Variants in RPS14 observed in about 807,000 individuals in gnomAD.
The protein encoded by RPS14 is small ribosomal subunit protein uS11.
A neutral mutation model predicts 15.4 loss-of-function variants in RPS14; 1 was observed. The ratio of observed to expected loss-of-function variants is 0.07; its 90% CI spans 0.02 to 0.31. RPS14 has a LOEUF of 0.31. RPS14 is among the 10% of genes least tolerant of loss of function. The pLI, the probability that RPS14 is intolerant of heterozygous loss-of-function variation, is 1.00. For synonymous variants in RPS14, 68 were observed against 74.4 expected (o/e 0.91, Z 0.44); for missense variants, 69 against 205.5 (o/e 0.34, Z 4.06).
rs1171508471 is a variant in RPS14 at position 150,446,641 on chromosome 5, G to A, written c.311+161C>T. On this transcript the variant is annotated intron_variant, in intron 3 of 4. Transcript: ENST00000407193. The surrounding 1 kb of genome is among the most constrained non-coding windows in gnomAD (Gnocchi z 4.2). Reference sequence around the variant, plus strand: ...GTATACAGTGGGTGCTCAACACTGAGCTGCTGGGGGGTGTACACAGGAGCC... The same window carrying A: ...GTATACAGTGGGTGCTCAACACTGAACTGCTGGGGGGTGTACACAGGAGCC... Among the ~76,000 whole-genome samples, 1 of 152,194 alleles carries A rather than the reference G, an allele frequency of 6.6e-6. No individual in the cohort carries two copies. Among genetic ancestry groups the A allele is most frequent in the Non-Finnish European group, 1.5e-5 (1 of 68,028 alleles).
Position 150,446,997 on chromosome 5 carries a change from G to T in RPS14, c.150-34C>A, listed in dbSNP as rs746409157. The T allele has an allele frequency of 6.2e-7, 1 of 1,610,772 alleles. No homozygotes were observed. Among genetic ancestry groups the T allele is most frequent in the Non-Finnish European group, 8.5e-7 (1 of 1,178,208 alleles). On this transcript the variant is annotated intron_variant, in intron 2 of 4. Transcript: ENST00000407193. The surrounding 1 kb of genome is among the most constrained non-coding windows in gnomAD (Gnocchi z 4.2). Reference sequence around the variant, plus strand: ...AAAAGCACAGGGTCATTTCTTCCTCGTCCAACAAGGAGTGCTTACGATATC... The same window carrying T: ...AAAAGCACAGGGTCATTTCTTCCTCTTCCAACAAGGAGTGCTTACGATATC...
intron 2 of RPS14, 68 bp downstream of exon 2, chr5:150,447,517 T>C (rs1277310908): frequency 1.3e-6 from 2 of 1,500,564 alleles, no homozygotes; most frequent in Admixed American, 3.4e-5. Context: ...CCTGAACTGC[T>C]AGCCCGTCCC....
chr5:150,445,470 C>A, intron 4 of RPS14, 139 bp downstream of exon 4: 1 of 767,338 alleles, frequency 1.3e-6, no homozygotes, highest in Non-Finnish European at 2.3e-6. Flanking sequence ...TCACAAGGTG[C>A]CTCTTGCAGC....
chr5:150,442,668 T>A lies in RPS14; in HGVS notation c.*1618A>T, dbSNP rs1770969728. 1 of 152,056 alleles carries A rather than the reference T, an allele frequency of 6.6e-6. No homozygotes were observed. The highest frequency in any genetic ancestry group is 2.4e-5 in the African/African-American group (1 of 41,388). The allele number at this position is 152,056 out of a possible 1,614,324, so 9.4% of individuals were successfully genotyped here. A position where few individuals can be genotyped will look rare whatever the true frequency, so the allele number is the denominator to read the frequency against. On this transcript the variant is annotated 3_prime_UTR_variant, in exon 5 of 5. Coordinates refer to ENST00000407193, the MANE Select transcript of RPS14 (RefSeq NM_005617.4). Reference sequence around the variant, plus strand: ...TACTAGCTTTATTCCAGACTTTAACTCCAGACTTTATTCATATTTTTTAAT... The same window carrying A: ...TACTAGCTTTATTCCAGACTTTAACACCAGACTTTATTCATATTTTTTAAT...
rs1363415976 is a variant in RPS14, at chr5:150,446,410, T to A, written c.311+392A>T. Among the ~76,000 whole-genome samples the A allele has an allele frequency of 6.6e-6, 1 of 152,226 alleles. No individual in the cohort carries two copies. The highest frequency in any genetic ancestry group is 2.4e-5 in the African/African-American group (1 of 41,460). ...TTTCACTGGAAGGACTCCGGACTTATCATTTAGACCCTAGTTTAAATTACA... is the reference window on the plus strand; with the variant it reads ...TTTCACTGGAAGGACTCCGGACTTAACATTTAGACCCTAGTTTAAATTACA... On this transcript the variant is annotated intron_variant, in intron 3 of 4. Transcript: ENST00000407193. The surrounding 1 kb of genome is among the most constrained non-coding windows in gnomAD (Gnocchi z 4.2).
At chr5:150,444,499 T>A in intron 4 of RPS14, 146 bp from the exon 5 acceptor site, 1 of 708,034 alleles carries the variant, frequency 1.4e-6, no homozygotes, top group Non-Finnish European at 2.5e-6. Context: ...GATGTGAACA[T>A]GAAGTGGCCC....
At position 150,446,496 on chromosome 5, in the gene RPS14, TC is replaced by T. The variant is rs1771100851; in HGVS notation, c.311+305del. 6.6e-6 allele frequency among the ~76,000 whole-genome samples: 1 copy of T among 152,130 alleles called. No individual in the cohort carries two copies. Among genetic ancestry groups the T allele is most frequent in the South Asian group, 2.1e-4 (1 of 4,828 alleles). On this transcript the variant is annotated intron_variant, in intron 3 of 4. Transcript: ENST00000407193. The surrounding 1 kb of genome is among the most constrained non-coding windows in gnomAD (Gnocchi z 4.2). ...TTTGTCACAAATGAAAACCACATACTCCCTGGTGCTCTGTTGTTTAAAGTCT... is the reference window on the plus strand; with the variant it reads ...TTTGTCACAAATGAAAACCACATACTCCTGGTGCTCTGTTGTTTAAAGTCT...
chr5:150,445,487 T>G (rs764610557), intron 4 of RPS14, 122 bp downstream of exon 4: 1 of 903,766 alleles, frequency 1.1e-6, no homozygotes, highest in Non-Finnish European at 1.8e-6. Flanking sequence ...CAGCCTCCCT[T>G]AACAAACTTA....
chr5:150,446,100 A>G lies in RPS14; in HGVS notation c.312-415T>C, dbSNP rs1214069459. ...GTGAGACCCTGTCTCAAAAAAGAGGAAAAAAAAAAAAGCCAGACAGTAAAT... is the reference window on the plus strand; with the variant it reads ...GTGAGACCCTGTCTCAAAAAAGAGGGAAAAAAAAAAAGCCAGACAGTAAAT... On this transcript the variant is annotated intron_variant, in intron 3 of 4. Transcript: ENST00000407193. This position sits in a 1 kb window ranked among gnomAD's most constrained non-coding sequence, Gnocchi z 4.2. 1.4e-4 allele frequency among the ~76,000 whole-genome samples: 13 copies of G among 89,748 alleles called. No individual in the cohort carries two copies. Among genetic ancestry groups the G allele is most frequent in the South Asian group, 5.9e-4 (1 of 1,696 alleles). The allele number at this position is 89,748 out of a possible 152,430, so 58.9% of individuals were successfully genotyped here.
rs371223000 is a variant in RPS14 at position 150,446,983 on chromosome 5, G to C, written c.150-20C>G. On this transcript the variant is annotated intron_variant, in intron 2 of 4. Coordinates refer to ENST00000407193, the MANE Select transcript of RPS14 (RefSeq NM_005617.4). This position sits in a 1 kb window ranked among gnomAD's most constrained non-coding sequence, Gnocchi z 4.2. ...GTTTCCCTGGGGACAAAAGCACAGG[G>C]TCATTTCTTCCTCGTCCAACAAGGA... The C allele has an allele frequency of 6.2e-7, 1 of 1,613,502 alleles. No individual in the cohort carries two copies. The highest frequency in any genetic ancestry group is 2.2e-5 in the East Asian group (1 of 44,880).
intron 1 of RPS14, 122 bp from the exon 2 acceptor site, chr5:150,447,857 CTACTG>C: frequency 1.9e-6 from 2 of 1,070,352 alleles, no homozygotes; most frequent in Non-Finnish European, 1.4e-6. Context: ...ATCCAATACT[CTACTG>C]TATTCTCTCA....
chr5:150,445,619 G>C lies in RPS14; in HGVS notation c.378C>G (p.Ile126Met). The C allele has an allele frequency of 1.2e-6, 2 of 1,613,148 alleles. No individual in the cohort carries two copies. The highest frequency in any genetic ancestry group is 1.7e-6 in the Non-Finnish European group (2 of 1,179,752). The change falls in exon 4 of 5, where the codon ATC (isoleucine) becomes ATG (methionine). Residue 126 changes from isoleucine (I) to methionine (M), a missense_variant. Physicochemically the swap from Ile to Met is conservative, Grantham distance 10 (BLOSUM62 1). Coordinates refer to ENST00000407193, the MANE Select transcript of RPS14 (RefSeq NM_005617.4). ...LRALARSGMK[I>M]GRIEDVTPIP... Reference sequence around the variant, plus strand: ...GAGGGGGGCACTTACCAATCCGCCCGATCTTCATACCCGAGCGGGCAAGGG... The same window carrying C: ...GAGGGGGGCACTTACCAATCCGCCCCATCTTCATACCCGAGCGGGCAAGGG...
At position 150,442,993 on chromosome 5, in the gene RPS14, C is replaced by T. The variant is rs1770981015; in HGVS notation, c.*1293G>A. ...GATTATAGGCGTGAACCACTGTGCC[C>T]TGCCTTTATCCTATTTCACTAGTTT... On this transcript the variant is annotated 3_prime_UTR_variant, in exon 5 of 5. Transcript: ENST00000407193. 1 of 152,186 alleles carries T rather than the reference C, an allele frequency of 6.6e-6. No homozygotes were observed. Among genetic ancestry groups the T allele is most frequent in the African/African-American group, 2.4e-5 (1 of 41,434 alleles). The allele number at this position is 152,186 out of a possible 1,614,324, so 9.4% of individuals were successfully genotyped here. A position where few individuals can be genotyped will look rare whatever the true frequency, so the allele number is the denominator to read the frequency against.
At chr5:150,447,816 C>G (rs751473633) in intron 1 of RPS14, 81 bp from the exon 2 acceptor site, 11 of 1,430,296 alleles carry the variant, frequency 7.7e-6, no homozygotes, top group Non-Finnish European at 1.1e-5. Context: ...AAATGAAACC[C>G]TAGTCCTGCT....
Position 150,445,696 on chromosome 5 carries a change from A to G in RPS14, c.312-11T>C. On this transcript the variant is annotated splice_polypyrimidine_tract_variant and intron_variant, in intron 3 of 4. Coordinates refer to ENST00000407193, the MANE Select transcript of RPS14 (RefSeq NM_005617.4). ...CCAGGGGTCTTGGTCCTAGAAAATG[A>G]AGGTTTAAGTTAAGAAGAGCCTTTG... 8 of 1,603,308 alleles carry G rather than the reference A, an allele frequency of 5.0e-6. No individual in the cohort carries two copies. The highest frequency in any genetic ancestry group is 6.8e-6 in the Non-Finnish European group (8 of 1,175,722).
Position 150,443,795 on chromosome 5 carries a change from T to C in RPS14, c.*491A>G, listed in dbSNP as rs553908685. 6.6e-6 allele frequency: 1 copy of C among 152,332 alleles called. No homozygotes were observed. Among genetic ancestry groups the C allele is most frequent in the African/African-American group, 2.4e-5 (1 of 41,568 alleles). The allele number at this position is 152,332 out of a possible 1,614,324, so 9.4% of individuals were successfully genotyped here. A position where few individuals can be genotyped will look rare whatever the true frequency, so the allele number is the denominator to read the frequency against. ...TGTGTATTTGTGGGGTGACAATCTT[T>C]ATGTACTTTATGTACTGATGTGGAA... On this transcript the variant is annotated 3_prime_UTR_variant, in exon 5 of 5. Transcript: ENST00000407193.
rs144628502 is a variant in RPS14, at chr5:150,446,159, T to C, written c.312-474A>G. On this transcript the variant is annotated intron_variant, in intron 3 of 4. Transcript: ENST00000407193. The surrounding 1 kb of genome is among the most constrained non-coding windows in gnomAD (Gnocchi z 4.2). ...CTGAGGGGGCCACTATGGTTTGTTG[T>C]TATGTTCTGACCACTGTCTGGCTTG... 7.2e-5 allele frequency among the ~76,000 whole-genome samples: 11 copies of C among 152,112 alleles called. No individual in the cohort carries two copies. In the East Asian group the frequency reaches 2.1e-3, roughly 29 times the overall value.
chr5:150,447,802 T>C, intron 1 of RPS14, 67 bp from the exon 2 acceptor site: 1 of 1,537,498 alleles, frequency 6.5e-7, no homozygotes, highest in Non-Finnish European at 8.9e-7. Context: ...TTCCCCTGGC[T>C]ATTAAATGAA....
In RPS14 at chr5:150,447,712, C is replaced by T. The variant is rs1270024556; in HGVS notation, c.22G>A (p.Glu8Lys). Residue 8 changes from glutamate to lysine, a missense_variant, in exon 2 of 5, where the codon GAA (glutamate) becomes AAA (lysine). By Grantham distance (56) the Glu-to-Lys change is moderately conservative. Transcript: ENST00000407193. MAPRKGK[E>K]KKEEQVISLG... ...CTGATGACCTGTTCTTCCTTCTTTT[C>T]CTTCCCCTTTCGAGGTGCCATTTCT... 6.2e-7 allele frequency: 1 copy of T among 1,613,880 alleles called. No homozygotes were observed. Among genetic ancestry groups the T allele is most frequent in the East Asian group, 2.2e-5 (1 of 44,888 alleles).
Sources: allele counts gnomAD v4.1 joint callset (sites outside exome capture counted in the v4.1 genomes callset), GRCh38; gene constraint gnomAD v4.1.1; non-coding constraint Gnocchi (gnomAD v3.1); transcripts MANE v1.5; gene names NCBI Gene and HGNC (gene_info 2026-07-23, HGNC 2026-07-21).